The following CFAP97D2 variants were observed in gnomAD, a reference collection of about 807,000 sequenced individuals.
CFAP97D2 encodes CFAP97 domain containing 2.
intron 1 of CFAP97D2, among the ~76,000 whole-genome samples, chr13:114,192,933 T>C (rs1430371545): frequency 6.6e-6 from 1 of 152,082 alleles, no homozygotes; most frequent in Non-Finnish European, 1.5e-5. Context: ...AAACAAGCAA[T>C]AAAATAGAAA....
chr13:114,195,916 CAA>C (rs34374094), intron 1 of CFAP97D2, among the ~76,000 whole-genome samples: 22,234 of 128,342 alleles, frequency 0.17, 2,009 homozygotes, highest in East Asian at 0.46. Context: ...CTAAAAATTA[CAA>C]AAAAAAAAAA....
intron 1 of CFAP97D2, among the ~76,000 whole-genome samples, chr13:114,183,690 CCT>C (rs1318094925): frequency 4.6e-5 from 7 of 152,198 alleles, no homozygotes; most frequent in African/African-American, 1.7e-4. Context: ...CTCTCTAAAG[CCT>C]CTTTTATTAA....
At chr13:114,212,150 C>A (rs185971521) in intron 4 of CFAP97D2, 1 of 398,448 alleles carries the variant, frequency 2.5e-6, no homozygotes, top group Non-Finnish European at 4.4e-6. Flanking sequence ...TTTGAAATTT[C>A]CCGTTTTACT....
At chr13:114,182,213 G>T (rs570730119) in intron 1 of CFAP97D2, among the ~76,000 whole-genome samples, 15 of 144,090 alleles carry the variant, frequency 1.0e-4, no homozygotes, top group African/African-American at 2.9e-4. Context: ...TTCAAGGGAA[G>T]GTACTATGCC....
At chr13:114,210,891 C>CACACAG (rs71105250) in intron 3 of CFAP97D2, among the ~76,000 whole-genome samples, 1 of 151,028 alleles carries the variant, frequency 6.6e-6, no homozygotes, top group African/African-American at 2.5e-5. Context: ...CACACACACA[C>CACACAG]TTTAATGGCT....
intron 1 of CFAP97D2, among the ~76,000 whole-genome samples, chr13:114,184,330 A>G (rs1415404160): frequency 6.6e-6 from 1 of 152,236 alleles, no homozygotes; most frequent in Admixed American, 6.5e-5. Flanking sequence ...TTGAAGCAAT[A>G]ATGAATGAGA....
chr13:114,188,654 G>A (rs1352865259), intron 1 of CFAP97D2, among the ~76,000 whole-genome samples: 1 of 151,652 alleles, frequency 6.6e-6, no homozygotes, highest in Non-Finnish European at 1.5e-5. Context: ...GTGGGCGCCT[G>A]TAGTCCCAGC....
intron 4 of CFAP97D2, among the ~76,000 whole-genome samples, chr13:114,220,571 T>A (rs988787458): frequency 6.6e-6 from 1 of 152,192 alleles, no homozygotes; most frequent in Non-Finnish European, 1.5e-5. Context: ...TACTGAAGGA[T>A]TTATATAAGA....
upstream of CFAP97D2, chr13:114,179,274 G>A (rs941675761): frequency 1.0e-5 from 4 of 398,430 alleles, no homozygotes; most frequent in African/African-American, 8.2e-5. This position sits in a 1 kb window ranked among gnomAD's most constrained non-coding sequence, Gnocchi z 4.8. Flanking sequence ...CTCCAGGTCT[G>A]CACCAGGCCC....
At chr13:114,212,205 A>G (rs769238747) in intron 4 of CFAP97D2, 162 of 397,458 alleles carry the variant, frequency 4.1e-4, no homozygotes, top group Non-Finnish European at 3.0e-4. Context: ...TCTTTGCCGT[A>G]TTAGAGCATT....
chr13:114,213,623 C>T (rs550160431), intron 4 of CFAP97D2, among the ~76,000 whole-genome samples: 45 of 140,794 alleles, frequency 3.2e-4, no homozygotes, highest in African/African-American at 1.2e-3. Context: ...ACGGATCCTA[C>T]CCCTGGACAA....
chr13:114,185,240 A>G lies in CFAP97D2; in HGVS notation c.90+5820A>G, dbSNP rs2080850311. On this transcript the variant is annotated intron_variant, in intron 1 of 4. Transcript: ENST00000646158. This position sits in a 1 kb window ranked among gnomAD's most constrained non-coding sequence, Gnocchi z 5.2. The stretch of plus-strand genomic sequence containing the variant: ...GGGAGGGCACAGGAAAGAGGTGAAC[A>G]GTACCCGGAGCCCACCCCTGGGAGC... 6.6e-6 allele frequency among the ~76,000 whole-genome samples: 1 copy of G among 152,244 alleles called. No homozygotes were observed. The highest frequency in any genetic ancestry group is 2.1e-4 in the South Asian group (1 of 4,838).
chr13:114,193,671 T>C (rs2080876746), intron 1 of CFAP97D2, among the ~76,000 whole-genome samples: 1 of 152,236 alleles, frequency 6.6e-6, no homozygotes, highest in Admixed American at 6.5e-5. Context: ...TTGGAGAATA[T>C]ATTTATATAT....
rs114385526 is a variant in CFAP97D2 at position 114,209,326 on chromosome 13, A to G, written c.291-2586A>G. ...GAGAAGACTTAATTGGATGACATCA[A>G]TTTGCACAATAACACGAGTAGGTGG... On this transcript the variant is annotated intron_variant, in intron 3 of 4. Coordinates refer to ENST00000646158, the Ensembl canonical transcript of CFAP97D2. Among the ~76,000 whole-genome samples, 383 of 152,288 alleles carry G rather than the reference A, an allele frequency of 2.5e-3. 2 individuals are homozygous for G. The highest frequency in any genetic ancestry group is 9.0e-3 in the African/African-American group (375 of 41,556).
chr13:114,220,798 T>G (rs1434260862), intron 4 of CFAP97D2, among the ~76,000 whole-genome samples: 1 of 152,266 alleles, frequency 6.6e-6, no homozygotes, highest in Non-Finnish European at 1.5e-5. Flanking sequence ...ACAATGGATG[T>G]GAGTTGGCTT....
chr13:114,219,410 G>A (rs1236706029), intron 4 of CFAP97D2, among the ~76,000 whole-genome samples: 1 of 152,094 alleles, frequency 6.6e-6, no homozygotes, highest in African/African-American at 2.4e-5. Context: ...CTCAGCAAAT[G>A]TCAAGACAGT....
At chr13:114,200,918 T>C (rs1206529218) in intron 3 of CFAP97D2, among the ~76,000 whole-genome samples, 2 of 152,198 alleles carry the variant, frequency 1.3e-5, no homozygotes, top group Non-Finnish European at 2.9e-5. Flanking sequence ...CAGCAAAAGG[T>C]TTTGTTTCTC....
At chr13:114,221,899 A>C (rs917737981) in intron 4 of CFAP97D2, among the ~76,000 whole-genome samples, 15 of 152,164 alleles carry the variant, frequency 9.9e-5, no homozygotes, top group African/African-American at 3.6e-4. Flanking sequence ...TCATGCAAAA[A>C]CCCATACACT....
intron 4 of CFAP97D2, among the ~76,000 whole-genome samples, chr13:114,221,014 C>T (rs559446116): frequency 6.6e-6 from 1 of 152,172 alleles, no homozygotes; most frequent in African/African-American, 2.4e-5. Flanking sequence ...TTCGGGAGGC[C>T]GAGACAGGCG....
Sources: gnomAD v4.1 joint callset for allele counts (sites outside exome capture counted in the v4.1 genomes callset) on GRCh38, gnomAD v4.1.1 for gene constraint, Gnocchi (gnomAD v3.1) non-coding constraint, MANE v1.5 for transcripts, NCBI Gene and HGNC (gene_info 2026-07-23, HGNC 2026-07-21) for gene names.